Variants in SPIDR observed in about 807,000 individuals in gnomAD.
The protein encoded by SPIDR is scaffold protein involved in DNA repair.
In SPIDR, 93 loss-of-function variants were observed where a neutral mutation model predicts 104.6. The observed-to-expected ratio is 0.89, with a 90% CI of 0.75 to 1.06. SPIDR has a LOEUF of 1.06. SPIDR is among the 50% of genes least tolerant of loss of function. SPIDR has a pLI of 0.00. For missense variants in SPIDR, 1,154 were observed against 1,111.2 expected (o/e 1.04, Z -0.55); for synonymous variants, 431 against 416.9 (o/e 1.03, Z -0.41).
rs1331640445 is a variant in SPIDR, at chr8:47,601,983, G to T, written c.1544+2787G>T. 2.7e-5 allele frequency among the ~76,000 whole-genome samples: 4 copies of T among 147,906 alleles called. No individual in the cohort carries two copies. In the South Asian group the frequency reaches 8.7e-4, roughly 32 times the overall value. Reference sequence around the variant, plus strand: ...CTAGTTTACATATCAAATTAATATAGAAGTAAAACTGTACTTTATTCACTA... The same window carrying T: ...CTAGTTTACATATCAAATTAATATATAAGTAAAACTGTACTTTATTCACTA... On this transcript the variant is annotated intron_variant, in intron 10 of 19. Coordinates refer to ENST00000297423, the MANE Select transcript of SPIDR (RefSeq NM_001080394.4).
At chr8:47,386,066 T>C (rs534009651) in intron 5 of SPIDR, among the ~76,000 whole-genome samples, 1 of 152,208 alleles carries the variant, frequency 6.6e-6, no homozygotes, top group African/African-American at 2.4e-5. Flanking sequence ...AGCTTTTTTT[T>C]TCTCTCTGGA....
intron 8 of SPIDR, among the ~76,000 whole-genome samples, chr8:47,502,668 C>A (rs1438097070): frequency 6.6e-6 from 1 of 152,018 alleles, no homozygotes; most frequent in Non-Finnish European, 1.5e-5. Flanking sequence ...TTATTTCTTG[C>A]CTTCTGCTAG....
At chr8:47,673,183 C>T (rs1424301161) in intron 10 of SPIDR, among the ~76,000 whole-genome samples, 1 of 152,242 alleles carries the variant, frequency 6.6e-6, no homozygotes, top group Non-Finnish European at 1.5e-5. Context: ...AATAGGCTCT[C>T]ATGAGTAACA....
intron 7 of SPIDR, among the ~76,000 whole-genome samples, chr8:47,427,257 T>C (rs1554685669): frequency 6.7e-6 from 1 of 149,694 alleles, no homozygotes; most frequent in Non-Finnish European, 1.5e-5. Context: ...TAAAATAAAT[T>C]GTCAGAAGCA....
chr8:47,423,785 T>C (rs1267361652), intron 7 of SPIDR, among the ~76,000 whole-genome samples: 1 of 152,194 alleles, frequency 6.6e-6, no homozygotes, highest in East Asian at 1.9e-4. Context: ...ACCTGCACTT[T>C]AAAATGTAGC....
At chr8:47,321,959 G>A (rs2046700923) in intron 5 of SPIDR, among the ~76,000 whole-genome samples, 1 of 152,140 alleles carries the variant, frequency 6.6e-6, no homozygotes, top group Non-Finnish European at 1.5e-5. Flanking sequence ...ATGGATTAAA[G>A]ACTTAAATGT....
At chr8:47,621,674 G>A (rs1225080408) in intron 10 of SPIDR, among the ~76,000 whole-genome samples, 1 of 152,224 alleles carries the variant, frequency 6.6e-6, no homozygotes, top group Non-Finnish European at 1.5e-5. Context: ...GGTGTGCTCA[G>A]TTCTAAGTTG....
chr8:47,710,084 G>A (rs1180060428), intron 14 of SPIDR, among the ~76,000 whole-genome samples: 1 of 152,024 alleles, frequency 6.6e-6, no homozygotes, highest in East Asian at 1.9e-4. Flanking sequence ...CACCATGTTG[G>A]CCAGGCTGCT....
intron 8 of SPIDR, among the ~76,000 whole-genome samples, chr8:47,493,038 A>AGT (rs1363442147): frequency 0.15 from 9,714 of 64,326 alleles, 279 homozygotes; most frequent in Non-Finnish European, 0.17. Flanking sequence ...AGAGAGAGAG[A>AGT]GTGAGTGTGT....
chr8:47,707,203 A>C (rs2081220926), intron 14 of SPIDR, among the ~76,000 whole-genome samples: 1 of 151,590 alleles, frequency 6.6e-6, no homozygotes, highest in Non-Finnish European at 1.5e-5. Flanking sequence ...GAGTGAGCCA[A>C]GATCGCTCCA....
intron 8 of SPIDR, among the ~76,000 whole-genome samples, chr8:47,448,393 A>T (rs2071081253): frequency 1.3e-5 from 2 of 152,190 alleles, no homozygotes; most frequent in African/African-American, 2.4e-5. Flanking sequence ...ATTTAAAAAG[A>T]TTTACTGAAT....
chr8:47,291,192 C>T, intron 4 of SPIDR, 55 bp downstream of exon 4: 1 of 1,209,948 alleles, frequency 8.3e-7, no homozygotes, highest in Non-Finnish European at 1.2e-6. Flanking sequence ...ATATTGTGTC[C>T]AGAAGATCAG....
intron 10 of SPIDR, among the ~76,000 whole-genome samples, chr8:47,627,175 G>A (rs902115764): frequency 6.6e-6 from 1 of 152,168 alleles, no homozygotes; most frequent in South Asian, 2.1e-4. Flanking sequence ...ACTCATAGGT[G>A]GGAATTGAAC....
chr8:47,682,802 A>C (rs1307251317), intron 11 of SPIDR, among the ~76,000 whole-genome samples: 2 of 152,216 alleles, frequency 1.3e-5, no homozygotes, highest in Non-Finnish European at 2.9e-5. Flanking sequence ...TTTTGGGGAA[A>C]TAAGAACACG....
intron 8 of SPIDR, among the ~76,000 whole-genome samples, chr8:47,556,539 T>C (rs998362308): frequency 2.0e-5 from 3 of 152,156 alleles, no homozygotes; most frequent in African/African-American, 7.2e-5. Flanking sequence ...TATTTAGGAG[T>C]AGAAGTTGTC....
chr8:47,488,454 A>G (rs2078079292), intron 8 of SPIDR, among the ~76,000 whole-genome samples: 1 of 152,208 alleles, frequency 6.6e-6, no homozygotes. Flanking sequence ...TCCTTCTGAA[A>G]CTATTCCAAT....
chr8:47,288,898 C>G (rs912492552), intron 3 of SPIDR, among the ~76,000 whole-genome samples: 1 of 152,128 alleles, frequency 6.6e-6, no homozygotes, highest in Non-Finnish European at 1.5e-5. Context: ...GTGGAACATT[C>G]CATTTTTTTT....
At chr8:47,318,543 TC>T (rs1174582088) in intron 5 of SPIDR, among the ~76,000 whole-genome samples, 1 of 149,784 alleles carries the variant, frequency 6.7e-6, no homozygotes, top group Non-Finnish European at 1.5e-5. Flanking sequence ...CAGGAGAACT[TC>T]CCCAATCTAG....
At chr8:47,428,940 T>C (rs1303202178) in intron 7 of SPIDR, among the ~76,000 whole-genome samples, 4 of 152,244 alleles carry the variant, frequency 2.6e-5, no homozygotes, top group African/African-American at 9.6e-5. Flanking sequence ...GTGTTCAGAC[T>C]TTATTTTTCC....
Sources: allele counts gnomAD v4.1 joint callset (sites outside exome capture counted in the v4.1 genomes callset), GRCh38; gene constraint gnomAD v4.1.1; transcripts MANE v1.5; gene names NCBI Gene and HGNC (gene_info 2026-07-23, HGNC 2026-07-21).